KCNJ6: variants seen among roughly 807,000 people sequenced by gnomAD.
KCNJ6 encodes G protein-activated inward rectifier potassium channel 2.
KCNJ6 carries 9 observed loss-of-function variants against 34.2 expected under a neutral mutation model. The observed-to-expected ratio is 0.26, with a 90% CI of 0.16 to 0.46. The LOEUF (loss-of-function observed/expected upper bound fraction) is 0.46, where lower values mean the gene tolerates loss of function less well. KCNJ6 is among the 20% of genes least tolerant of loss of function. KCNJ6 has a pLI of 1.00. For synonymous variants in KCNJ6, 196 were observed against 207.1 expected, an observed-to-expected ratio of 0.95 and a Z score of 0.46; for missense variants, 236 against 531.3, an observed-to-expected ratio of 0.44 and a Z score of 5.46.
chr21:37,669,136 G>C (rs2054530479), intron 3 of KCNJ6, among the ~76,000 whole-genome samples: 1 of 152,048 alleles, frequency 6.6e-6, no homozygotes, highest in Non-Finnish European at 1.5e-5. Context: ...ATTGATTCTA[G>C]GTCTTTAGAT....
At chr21:37,721,830 T>G (rs2054827982) in intron 2 of KCNJ6, among the ~76,000 whole-genome samples, 1 of 152,180 alleles carries the variant, frequency 6.6e-6, no homozygotes, top group Non-Finnish European at 1.5e-5. Context: ...CAATTTGTCT[T>G]GGGTGTAGAG....
chr21:37,854,575 G>A (rs527410888), intron 1 of KCNJ6, among the ~76,000 whole-genome samples: 1 of 152,266 alleles, frequency 6.6e-6, no homozygotes, highest in African/African-American at 2.4e-5. Flanking sequence ...TTGTTTGATA[G>A]CACAGTAGAA....
intron 3 of KCNJ6, among the ~76,000 whole-genome samples, chr21:37,705,743 A>C (rs1425462289): frequency 6.6e-6 from 1 of 152,226 alleles, no homozygotes; most frequent in Non-Finnish European, 1.5e-5. Context: ...CTCAGTCTTC[A>C]CCAGTGAAGA....
chr21:37,638,488 A>G (rs2054367553), intron 3 of KCNJ6, among the ~76,000 whole-genome samples: 1 of 152,194 alleles, frequency 6.6e-6, no homozygotes, highest in Admixed American at 6.5e-5. Context: ...TCTTACACCT[A>G]AAGATTGATA....
At chr21:37,649,512 T>C (rs74519342) in intron 3 of KCNJ6, among the ~76,000 whole-genome samples, 2,240 of 152,286 alleles carry the variant, frequency 0.015, 36 homozygotes, top group Non-Finnish European at 0.02. Context: ...GACAGGGCTT[T>C]CTGTAGTGGG....
intron 2 of KCNJ6, among the ~76,000 whole-genome samples, chr21:37,809,307 T>C (rs1336157748): frequency 6.6e-6 from 1 of 150,614 alleles, no homozygotes; most frequent in Non-Finnish European, 1.5e-5. Context: ...TTCTCACTCA[T>C]AGGTGGGAAT....
At chr21:37,708,614 TC>T (rs10709352) in intron 3 of KCNJ6, among the ~76,000 whole-genome samples, 152,276 of 152,278 alleles carry the variant, frequency 1, 76,137 homozygotes, top group Middle Eastern at 1. Flanking sequence ...TTATAGAGAT[TC>T]CTCCAGGAAG....
At chr21:37,815,661 G>T (rs1461327330) in intron 2 of KCNJ6, among the ~76,000 whole-genome samples, 1 of 152,218 alleles carries the variant, frequency 6.6e-6, no homozygotes, top group African/African-American at 2.4e-5. Flanking sequence ...AGACAAGGTG[G>T]TCTATGGAAC....
chr21:37,876,405 GA>G (rs1471982719), intron 1 of KCNJ6, among the ~76,000 whole-genome samples: 6 of 152,128 alleles, frequency 3.9e-5, no homozygotes, highest in Non-Finnish European at 8.8e-5. Flanking sequence ...CGTCCTCAAA[GA>G]GTTATATTTT....
chr21:37,771,801 G>C (rs2055119057), intron 2 of KCNJ6, among the ~76,000 whole-genome samples: 1 of 152,114 alleles, frequency 6.6e-6, no homozygotes, highest in Non-Finnish European at 1.5e-5. Context: ...GCTTTTTTCG[G>C]GGGGAAAATA....
chr21:37,877,344 G>A (rs2055684064), intron 1 of KCNJ6, among the ~76,000 whole-genome samples: 2 of 152,156 alleles, frequency 1.3e-5, no homozygotes, highest in South Asian at 4.1e-4. Context: ...TCAACAGTTG[G>A]TAGGAAAACT....
rs767281736 is a variant in KCNJ6, at chr21:37,715,015, G to A, written c.142C>T (p.Arg48Trp). 2.5e-6 allele frequency: 4 copies of A among 1,614,170 alleles called. No homozygotes were observed. Among genetic ancestry groups the A allele is most frequent in the African/African-American group, 1.3e-5 (1 of 75,042 alleles). ...DDLPRHISRDRTKRKIQRYVR... is the reference protein window; with the variant it reads ...DDLPRHISRDWTKRKIQRYVR... Reference sequence around the variant, plus strand: ...TACCTCTGGATTTTCCTTTTGGTCCGATCTCGGCTGATGTGTCTTGGCAGG... The same window carrying A: ...TACCTCTGGATTTTCCTTTTGGTCCAATCTCGGCTGATGTGTCTTGGCAGG... Residue 48 changes from arginine (R) to tryptophan (W), a missense_variant, in exon 3 of 4, where the codon CGG (arginine) becomes TGG (tryptophan). By Grantham distance (101) the Arg-to-Trp change is moderately radical. This residue lies in a region of KCNJ6 where 64 missense variants were observed against 68.9 expected (regional missense o/e 0.93). Coordinates refer to ENST00000609713, the MANE Select transcript of KCNJ6 (RefSeq NM_002240.5).
chr21:37,689,623 C>T lies in KCNJ6; in HGVS notation c.946+24588G>A, dbSNP rs571636089. Among the ~76,000 whole-genome samples, 3 of 152,282 alleles carry T rather than the reference C, an allele frequency of 2.0e-5. No individual in the cohort carries two copies. The East Asian group carries it at 5.8e-4, about 29-fold the overall frequency. On this transcript the variant is annotated intron_variant, in intron 3 of 3. Transcript: ENST00000609713. ...ATCTTCTCTCTCTTCCTTCCTCTCT[C>T]CATTCATTCCTGCCAAGAATTAACA...
intron 3 of KCNJ6, among the ~76,000 whole-genome samples, chr21:37,690,776 CTTTTCT>C (rs1287214388): frequency 2.2e-5 from 3 of 137,472 alleles, no homozygotes; most frequent in African/African-American, 6.0e-5. Flanking sequence ...CTTCTTTTTT[CTTTTCT>C]TTTTTTTTTT....
rs141826989 is a variant in KCNJ6 at position 37,863,534 on chromosome 21, C to T, written c.-27-22825G>A. ...TGGTGCCAGACATTTATATTTTTAA[C>T]GATTTGGATGTATTTTGCTTTATGC... is the stretch of plus-strand genomic sequence containing the variant. On this transcript the variant is annotated intron_variant, in intron 1 of 3. Transcript: ENST00000609713. 5.6e-3 allele frequency among the ~76,000 whole-genome samples: 859 copies of T among 152,200 alleles called. 10 individuals are homozygous for T. Among genetic ancestry groups the T allele is most frequent in the African/African-American group, 0.02 (816 of 41,502 alleles).
chr21:37,712,007 G>T (rs1601431537), intron 3 of KCNJ6, among the ~76,000 whole-genome samples: 1 of 152,116 alleles, frequency 6.6e-6, no homozygotes, highest in African/African-American at 2.4e-5. Context: ...CTTTGGAAAG[G>T]CTCACTCATT....
At chr21:37,837,332 T>C (rs1239105692) in intron 2 of KCNJ6, among the ~76,000 whole-genome samples, 1 of 152,218 alleles carries the variant, frequency 6.6e-6, no homozygotes, top group Non-Finnish European at 1.5e-5. Flanking sequence ...AAGGTGGTTT[T>C]ATTCAAACAT....
At chr21:37,816,190 C>A (rs1400995927) in intron 2 of KCNJ6, among the ~76,000 whole-genome samples, 1 of 152,154 alleles carries the variant, frequency 6.6e-6, no homozygotes, top group African/African-American at 2.4e-5. Flanking sequence ...TTCTGGAGCA[C>A]TTTATTGACC....
chr21:37,703,796 T>C (rs2123439898), intron 3 of KCNJ6, among the ~76,000 whole-genome samples: 1 of 149,812 alleles, frequency 6.7e-6, no homozygotes, highest in Middle Eastern at 3.4e-3. Flanking sequence ...ATTCTACCTT[T>C]CAATGTGGTA....
Sources: allele counts gnomAD v4.1 joint callset (sites outside exome capture counted in the v4.1 genomes callset), GRCh38; gene constraint gnomAD v4.1.1; regional missense constraint gnomAD v4.1.1; transcripts MANE v1.5; gene names NCBI Gene and HGNC (gene_info 2026-07-23, HGNC 2026-07-21).